The following MTF1 variants were observed in gnomAD, a reference collection of about 807,000 sequenced individuals.
The protein encoded by MTF1 is MRE-binding transcription factor.
Under a neutral mutation model 70.4 loss-of-function variants are expected in MTF1, and 22 were observed. That is an observed-to-expected ratio of 0.31 (90% confidence interval 0.22 to 0.45). The LOEUF (loss-of-function observed/expected upper bound fraction) is 0.45. MTF1 is among the 20% of genes least tolerant of loss of function. The probability of loss-of-function intolerance (pLI) is 1.00; values close to 1 mark genes in which losing one functional copy is unlikely to be tolerated. For missense variants in MTF1, 649 were observed against 922.0 expected, an observed-to-expected ratio of 0.70 and a Z score of 3.83; for synonymous variants, 333 against 352.8, an observed-to-expected ratio of 0.94 and a Z score of 0.63.
chr1:37,854,646 T>C (rs1039963858), intron 2 of MTF1, among the ~76,000 whole-genome samples: 1 of 152,222 alleles, frequency 6.6e-6, no homozygotes, highest in African/African-American at 2.4e-5. Context: ...AAGATGTTGC[T>C]GATAAAATGT....
chr1:37,857,179 A>C, intron 2 of MTF1, 72 bp downstream of exon 2: 1 of 1,500,802 alleles, frequency 6.7e-7, no homozygotes, highest in Non-Finnish European at 9.1e-7. Flanking sequence ...TCCCCAGCTA[A>C]AATTTGCACC....
At chr1:37,830,158 C>T (rs1352159948) in intron 7 of MTF1, among the ~76,000 whole-genome samples, 1 of 152,150 alleles carries the variant, frequency 6.6e-6, no homozygotes, top group African/African-American at 2.4e-5. Flanking sequence ...GCTTTGAGGG[C>T]ATCTAGACCA....
At chr1:37,859,426 G>A (rs1197823181) in intron 1 of MTF1, 105 bp downstream of exon 1, 4 of 398,374 alleles carry the variant, frequency 1.0e-5, no homozygotes, top group African/African-American at 6.2e-5. Flanking sequence ...GGTCCCTATG[G>A]TGACCAAACT....
Position 37,838,625 on chromosome 1 carries a change from C to G in MTF1, c.779G>C (p.Arg260Pro). ...IRTHTGEKPF[R>P]CDHDGCGKAF... Reference sequence around the variant, plus strand: ...ACAAATAGAAAACAGTAAGACCTACCGAAATGGCTTTTCCCCTGTATGAGT... The same window carrying G: ...ACAAATAGAAAACAGTAAGACCTACGGAAATGGCTTTTCCCCTGTATGAGT... The change falls in exon 4 of 11, where the codon CGG (arginine) becomes CCG (proline). Residue 260 changes from arginine (R) to proline (P), a missense_variant and splice_region_variant. Physicochemically the swap from Arg to Pro is moderately radical, Grantham distance 103. Coordinates refer to ENST00000373036, the MANE Select transcript of MTF1 (RefSeq NM_005955.3). 2 of 1,610,632 alleles carry G rather than the reference C, an allele frequency of 1.2e-6. No individual in the cohort carries two copies. The highest frequency in any genetic ancestry group is 1.7e-6 in the Non-Finnish European group (2 of 1,177,810).
At position 37,840,456 on chromosome 1, in the gene MTF1, C is replaced by T. The variant is rs1641238953; in HGVS notation, c.409-298G>A. 2.0e-6 allele frequency: 1 copy of T among 507,114 alleles called. No individual in the cohort carries two copies. The highest frequency in any genetic ancestry group is 3.8e-6 in the Non-Finnish European group (1 of 261,396). 31.4% of individuals were successfully genotyped at this position (507,114 alleles called of 1,614,324 possible). ...ATCTACCCACTAAAAGTACACTATA[C>T]TGTTACAGCTACCTGTATTCAGATA... On this transcript the variant is annotated intron_variant, in intron 2 of 10. Coordinates refer to ENST00000373036, the MANE Select transcript of MTF1 (RefSeq NM_005955.3). The surrounding 1 kb of genome is among the most constrained non-coding windows in gnomAD (Gnocchi z 4.5).
At position 37,811,163 on chromosome 1, in the gene MTF1, C is replaced by G. The variant is rs920041196; in HGVS notation, c.*3973G>C. ...GTAATGGTGAAGAGGGAAAAGATGG[C>G]GAGAGACCAAGAAGTGATGAAAAAG... is the stretch of plus-strand genomic sequence containing the variant. On this transcript the variant is annotated 3_prime_UTR_variant, in exon 11 of 11. Transcript: ENST00000373036. The G allele has an allele frequency of 6.6e-6, 1 of 152,562 alleles. No individual in the cohort carries two copies. The highest frequency in any genetic ancestry group is 2.4e-5 in the African/African-American group (1 of 41,416). 9.5% of individuals were successfully genotyped at this position (152,562 alleles called of 1,614,324 possible).
intron 3 of MTF1, 110 bp downstream of exon 3, chr1:37,839,810 C>T: frequency 1.2e-6 from 1 of 846,452 alleles, no homozygotes; most frequent in Non-Finnish European, 1.9e-6. Flanking sequence ...CACAGCTGCG[C>T]TCTTTTAAAG....
intron 7 of MTF1, among the ~76,000 whole-genome samples, chr1:37,828,547 C>T (rs573875666): frequency 9.2e-5 from 14 of 152,282 alleles, no homozygotes; most frequent in Non-Finnish European, 1.0e-4. Flanking sequence ...TCAGGTGATC[C>T]GCCTACCTCA....
chr1:37,857,625 A>G lies in MTF1; in HGVS notation c.34T>C (p.Tyr12His). 1 of 1,614,016 alleles carries G rather than the reference A, an allele frequency of 6.2e-7. No homozygotes were observed. The highest frequency in any genetic ancestry group is 1.1e-5 in the South Asian group (1 of 91,074). The change falls in exon 2 of 11, where the codon TAC becomes CAC. Residue 12 changes from tyrosine to histidine, a missense_variant. By Grantham distance (83) the Tyr-to-His change is moderately conservative. Around this residue, in one of 7 missense-constraint regions of MTF1, gnomAD observed 34 missense variants for 38.7 expected, o/e 0.88. Coordinates refer to ENST00000373036, the MANE Select transcript of MTF1 (RefSeq NM_005955.3). ...GEHSPDNNII[Y>H]FEAEEDELTP... ...AGCTCATCTTCCTCTGCCTCAAAGT[A>G]GATGATGTTGTTGTCTGGACTGTGT...
rs772009543 is a variant in MTF1 at position 37,815,423 on chromosome 1, G to A, written c.1975C>T (p.Pro659Ser). 1 of 1,613,564 alleles carries A rather than the reference G, an allele frequency of 6.2e-7. No individual in the cohort carries two copies. The highest frequency in any genetic ancestry group is 2.2e-5 in the East Asian group (1 of 44,860). ...RRKGCSSPPP[P>S]EPSPQAPDGP... Reference sequence around the variant, plus strand: ...TCAGGAGCCTGGGGGCTCGGCTCTGGAGGGGGTGGGGAGGAGCAGCCCTTT... The same window carrying A: ...TCAGGAGCCTGGGGGCTCGGCTCTGAAGGGGGTGGGGAGGAGCAGCCCTTT... Residue 659 changes from proline (P) to serine (S), a missense_variant, in exon 11 of 11, where the codon CCA (proline) becomes TCA (serine). Around this residue, in one of 7 missense-constraint regions of MTF1, gnomAD observed 138 missense variants for 134.4 expected, o/e 1.03. Transcript: ENST00000373036. This position sits in a 1 kb window ranked among gnomAD's most constrained non-coding sequence, Gnocchi z 4.5.
intron 2 of MTF1, among the ~76,000 whole-genome samples, chr1:37,847,955 C>T (rs1025777253): frequency 6.6e-6 from 1 of 152,094 alleles, no homozygotes; most frequent in African/African-American, 2.4e-5. Flanking sequence ...CAAAGTGAGA[C>T]CCTGTCTCAA....
At chr1:37,853,233 G>C (rs1405812152) in intron 2 of MTF1, among the ~76,000 whole-genome samples, 2 of 152,134 alleles carry the variant, frequency 1.3e-5, no homozygotes, top group Non-Finnish European at 2.9e-5. Flanking sequence ...CACCTCCAAT[G>C]GTTTCCCACC....
rs140857229 is a variant in MTF1, at chr1:37,840,096, C to T, written c.471G>A (p.Leu157=). The change falls in exon 3 of 11, where the codon CTG becomes CTA. Residue 157 remains leucine, a synonymous_variant. Transcript: ENST00000373036. The surrounding 1 kb of genome is among the most constrained non-coding windows in gnomAD (Gnocchi z 4.5). ...CPRTYSTAGN[L]RTHQKTHRGE... Reference sequence around the variant, plus strand: ...CTCGGTGAGTCTTCTGGTGGGTTCGCAGGTTGCCTGCTGTGCTGTAGGTGC... The same window carrying T: ...CTCGGTGAGTCTTCTGGTGGGTTCGTAGGTTGCCTGCTGTGCTGTAGGTGC... 6 of 1,614,100 alleles carry T rather than the reference C, an allele frequency of 3.7e-6. No individual in the cohort carries two copies. The African/African-American group carries it at 6.7e-5, about 18-fold the overall frequency.
At chr1:37,825,123 G>A (rs961798840) in intron 7 of MTF1, among the ~76,000 whole-genome samples, 1 of 152,186 alleles carries the variant, frequency 6.6e-6, no homozygotes, top group African/African-American at 2.4e-5. Flanking sequence ...AGCAAGGGAG[G>A]TGGGTTGTGG....
intron 1 of MTF1, 85 bp from the exon 2 acceptor site, chr1:37,857,794 ACT>A: frequency 1.3e-6 from 1 of 751,880 alleles, no homozygotes; most frequent in Non-Finnish European, 2.1e-6. Context: ...TTTCCCTCTC[ACT>A]TAAAGAGCAA....
Position 37,815,716 on chromosome 1 carries a change from T to A in MTF1, c.1832-150A>T. ...CTTCGGGCTTCGTTCTGCTTTAAAT[T>A]GGACCACATGCCCTCTGAGGTAAAA... On this transcript the variant is annotated intron_variant, in intron 10 of 10. Transcript: ENST00000373036. This position sits in a 1 kb window ranked among gnomAD's most constrained non-coding sequence, Gnocchi z 4.5. 1.7e-6 allele frequency: 1 copy of A among 572,194 alleles called. No homozygotes were observed. Among genetic ancestry groups the A allele is most frequent in the Non-Finnish European group, 3.0e-6 (1 of 334,762 alleles). 35.4% of individuals were successfully genotyped at this position (572,194 alleles called of 1,614,324 possible).
At chr1:37,843,838 C>T (rs890830992) in intron 2 of MTF1, among the ~76,000 whole-genome samples, 6 of 151,902 alleles carry the variant, frequency 3.9e-5, no homozygotes, top group Non-Finnish European at 7.4e-5. Context: ...GTAGGGAGGG[C>T]CCCTACTCCT....
Position 37,815,282 on chromosome 1 carries a change from C to A in MTF1, c.2116G>T (p.Asp706Tyr). 6.2e-7 allele frequency: 1 copy of A among 1,614,068 alleles called. No individual in the cohort carries two copies. Among genetic ancestry groups the A allele is most frequent in the East Asian group, 2.2e-5 (1 of 44,860 alleles). ...EQSRQAETPS[D>Y]PQTETLSAMD... is the part of the protein sequence containing the mutation. Reference sequence around the variant, plus strand: ...GCACTTAATGTTTCTGTCTGAGGGTCTGAAGGAGTCTCTGCTTGTCGGCTT... The same window carrying A: ...GCACTTAATGTTTCTGTCTGAGGGTATGAAGGAGTCTCTGCTTGTCGGCTT... Residue 706 changes from aspartate (D) to tyrosine (Y), a missense_variant, in exon 11 of 11, where the codon GAC becomes TAC. Transcript: ENST00000373036. The surrounding 1 kb of genome is among the most constrained non-coding windows in gnomAD (Gnocchi z 4.5).
intron 8 of MTF1, 88 bp from the exon 9 acceptor site, chr1:37,822,804 C>G: frequency 1.1e-6 from 1 of 880,688 alleles, no homozygotes; most frequent in South Asian, 1.7e-5. Context: ...AAACAAAACA[C>G]AGCTGAAGTC....
Sources: allele counts gnomAD v4.1 joint callset (sites outside exome capture counted in the v4.1 genomes callset), GRCh38; gene constraint gnomAD v4.1.1; regional missense constraint gnomAD v4.1.1; non-coding constraint Gnocchi (gnomAD v3.1); transcripts MANE v1.5; gene names NCBI Gene and HGNC (gene_info 2026-07-23, HGNC 2026-07-21).